The following NF1 variants were observed in gnomAD, a reference collection of about 807,000 sequenced individuals.
NF1 encodes neurofibromin 1, also known as neurofibromin.
NF1 carries 122 observed loss-of-function variants against 325.7 expected under a neutral mutation model. That is an observed-to-expected ratio of 0.37 (90% CI 0.32 to 0.44). NF1 has a LOEUF of 0.44. Among genes scored for constraint, NF1 ranks in the 20% least tolerant of loss-of-function variants. The probability of loss-of-function intolerance (pLI) is 1.00; values close to 1 mark genes in which losing one functional copy is unlikely to be tolerated. For synonymous variants in NF1, 1,091 were observed against 1,186.0 expected (o/e 0.92, Z 1.65); for missense variants, 2,140 against 3,415.4 (o/e 0.63, Z 9.31).
chr17:31,135,268 T>A (rs996505618), intron 1 of NF1, among the ~76,000 whole-genome samples: 3 of 152,238 alleles, frequency 2.0e-5, no homozygotes, highest in African/African-American at 7.2e-5. Flanking sequence ...TACAATATCT[T>A]ACAGTTGATT....
At chr17:31,306,065 C>T (rs1054537036) in intron 36 of NF1, among the ~76,000 whole-genome samples, 1 of 152,158 alleles carries the variant, frequency 6.6e-6, no homozygotes, top group Non-Finnish European at 1.5e-5. Context: ...CAGTGATCAT[C>T]TGTTACCTAA....
chr17:31,265,487 C>A, intron 36 of NF1, 148 bp downstream of exon 36: 1 of 624,294 alleles, frequency 1.6e-6, no homozygotes. Context: ...AAATAGCCTG[C>A]GTTTCCTAAA....
At chr17:31,351,496 A>C in intron 50 of NF1, among the ~76,000 whole-genome samples, 1 of 152,040 alleles carries the variant, frequency 6.6e-6, no homozygotes, top group South Asian at 2.1e-4. Flanking sequence ...GGCTCACTAC[A>C]ACCTCCGCCT....
intron 14 of NF1, among the ~76,000 whole-genome samples, chr17:31,220,353 T>G (rs1018770902): frequency 2.6e-5 from 4 of 152,202 alleles, no homozygotes; most frequent in Admixed American, 6.5e-5. Flanking sequence ...GTCCCGTAAA[T>G]TGATACATTT....
chr17:31,216,593 CT>C (rs1304244207), intron 13 of NF1, among the ~76,000 whole-genome samples: 1 of 152,114 alleles, frequency 6.6e-6, no homozygotes, highest in Non-Finnish European at 1.5e-5. Context: ...TTAGATCCCC[CT>C]GATCATTTCT....
chr17:31,147,555 A>C (rs1159312809), intron 1 of NF1, among the ~76,000 whole-genome samples: 1 of 146,550 alleles, frequency 6.8e-6, no homozygotes, highest in African/African-American at 2.4e-5. Context: ...TGTTGGGTAT[A>C]TATCTAGTGA....
chr17:31,304,103 A>C (rs2068641593), intron 36 of NF1: 6 of 631,798 alleles, frequency 9.5e-6, no homozygotes. Flanking sequence ...CTTTTTTTAA[A>C]AAAAAGTTTC....
chr17:31,297,430 A>G (rs2068490590), intron 36 of NF1: 1 of 152,082 alleles, frequency 6.6e-6, no homozygotes, highest in Non-Finnish European at 1.5e-5. Context: ...GCGTACCTAT[A>G]TATCTGATTT....
At chr17:31,356,606 G>C (rs2151581445) in intron 52 of NF1, 24 bp downstream of exon 52, 1 of 1,613,028 alleles carries the variant, frequency 6.2e-7, no homozygotes, top group Non-Finnish European at 8.5e-7. Context: ...TATTGATCTA[G>C]ATCATTGAAA....
At chr17:31,219,156 A>G in intron 14 of NF1, 38 bp downstream of exon 14, 1 of 1,590,440 alleles carries the variant, frequency 6.3e-7, no homozygotes, top group Non-Finnish European at 8.6e-7. Flanking sequence ...TGAAGGAAAG[A>G]TTGTAACTAT....
Position 31,348,860 on chromosome 17 carries a change from T to G in NF1, c.7190-260T>G, listed in dbSNP as rs2525568. ...AAGATCTGAAAGACTATCATGTTTT[T>G]TAATTTTCCTCTTCCTGGAGTACTG... On this transcript the variant is annotated intron_variant, in intron 48 of 57. Transcript: ENST00000358273. 0.49 allele frequency among the ~76,000 whole-genome samples: 73,693 copies of G among 151,852 alleles called. 20,144 individuals are homozygous for G. The highest frequency in any genetic ancestry group is 0.62 in the Non-Finnish European group (42,108 of 67,892).
chr17:31,299,717 TTAAAAGCATGAAAGAAA>T (rs1183747852), intron 36 of NF1: 1 of 152,086 alleles, frequency 6.6e-6, no homozygotes, highest in African/African-American at 2.4e-5. Context: ...ATAAAGTACT[TTAAAAGCATGAAAGAAA>T]TAACAACATA....
rs1384193517 is a variant in NF1 at position 31,226,585 on chromosome 17, G to A, written c.2152G>A (p.Asp718Asn). The change falls in exon 18 of 58, where the codon GAT becomes AAT. Residue 718 changes from aspartate to asparagine, a missense_variant. Transcript: ENST00000358273. ...TTTCCGCCACCTCTGTGAGGAAGCA[G>A]ATATCCGGTGTGGGGTGGATGAAGT... ...SCFRHLCEEA[D>N]IRCGVDEVSV... 1 of 1,613,904 alleles carries A rather than the reference G, an allele frequency of 6.2e-7. No homozygotes were observed. The highest frequency in any genetic ancestry group is 8.5e-7 in the Non-Finnish European group (1 of 1,179,804).
At chr17:31,350,640 A>C (rs1371285458) in intron 50 of NF1, among the ~76,000 whole-genome samples, 5 of 152,234 alleles carry the variant, frequency 3.3e-5, no homozygotes, top group African/African-American at 1.2e-4. Context: ...CGCGAAATAT[A>C]AACAACACAT....
chr17:31,150,340 A>T (rs1297872719), intron 1 of NF1, among the ~76,000 whole-genome samples: 1 of 152,180 alleles, frequency 6.6e-6, no homozygotes, highest in Admixed American at 6.5e-5. Context: ...AGTGAGTGGG[A>T]TCTGGGAAAG....
In NF1 at chr17:31,377,606, T is replaced by C. The variant is rs939750036; in HGVS notation, c.*3451T>C. On this transcript the variant is annotated 3_prime_UTR_variant, in exon 58 of 58. Transcript: ENST00000358273. The stretch of plus-strand genomic sequence containing the variant: ...AGATCTTTATTGTTCCTCACCCCAT[T>C]TTCCTCCTTGTGTATGTACTTCCCC... 2 of 232,834 alleles carry C rather than the reference T, an allele frequency of 8.6e-6. No individual in the cohort carries two copies. Among genetic ancestry groups the C allele is most frequent in the Non-Finnish European group, 1.7e-5 (2 of 117,658 alleles). 14.4% of individuals were successfully genotyped at this position (232,834 alleles called of 1,614,324 possible).
intron 1 of NF1, among the ~76,000 whole-genome samples, chr17:31,105,130 C>T (rs760303273): frequency 6.6e-6 from 1 of 151,776 alleles, no homozygotes; most frequent in Non-Finnish European, 1.5e-5. Context: ...AAACTCTTGG[C>T]CTCAAGCAGT....
chr17:31,338,241 ATATCT>A lies in NF1; in HGVS notation c.6819+106_6819+110del, dbSNP rs72161392. ...GACGTTTAAATTTGAGGTCAATGAA[ATATCT>A]TATATGTTACTTATTAAGCCTTTAA... On this transcript the variant is annotated intron_variant, in intron 45 of 57. Coordinates refer to ENST00000358273, the MANE Select transcript of NF1 (RefSeq NM_001042492.3). The A allele has an allele frequency of 2.2e-3, 1,831 of 833,688 alleles. 30 individuals are homozygous for A. In the African/African-American group the frequency reaches 0.027, roughly 12 times the overall value. The allele number at this position is 833,688 out of a possible 1,614,324, so 51.6% of individuals were successfully genotyped here.
chr17:31,358,143 A>C (rs545866824), intron 54 of NF1: 12 of 370,492 alleles, frequency 3.2e-5, no homozygotes, highest in Non-Finnish European at 6.1e-5. Context: ...ACAGATGGAA[A>C]TAGTACTAAA....
Sources: gnomAD v4.1 joint callset for allele counts (sites outside exome capture counted in the v4.1 genomes callset) on GRCh38, gnomAD v4.1.1 for gene constraint, MANE v1.5 for transcripts, NCBI Gene and HGNC (gene_info 2026-07-23, HGNC 2026-07-21) for gene names.